Variants in PLEKHG1 observed in about 807,000 individuals in gnomAD.
PLEKHG1 encodes pleckstrin homology and RhoGEF domain containing G1, also known as pleckstrin homology domain-containing family G member 1.
PLEKHG1 carries 44 observed loss-of-function variants against 100.8 expected under a neutral mutation model. The observed-to-expected ratio is 0.44, with a 90% confidence interval of 0.34 to 0.56. The LOEUF (loss-of-function observed/expected upper bound fraction) is 0.56. Ranked by LOEUF, PLEKHG1 falls within the 20% of genes least tolerant of loss-of-function variation. The pLI is 0.01. For synonymous variants in PLEKHG1, 640 were observed against 662.5 expected, an observed-to-expected ratio of 0.97 and a Z score of 0.52; for missense variants, 1,545 against 1,720.9, an observed-to-expected ratio of 0.90 and a Z score of 1.81.
intron 2 of PLEKHG1, among the ~76,000 whole-genome samples, chr6:150,640,442 T>A (rs1020358222): frequency 6.6e-6 from 1 of 152,216 alleles, no homozygotes; most frequent in Non-Finnish European, 1.5e-5. Flanking sequence ...TGTCCCCATC[T>A]TAATTAACAC....
chr6:150,813,093 CAGG>C (rs1370551797), intron 10 of PLEKHG1, among the ~76,000 whole-genome samples: 1 of 151,950 alleles, frequency 6.6e-6, no homozygotes, highest in Non-Finnish European at 1.5e-5. Flanking sequence ...ATCACGAGGT[CAGG>C]AGATCAAGAC....
intron 1 of PLEKHG1, among the ~76,000 whole-genome samples, chr6:150,604,736 C>A (rs970862646): frequency 3.9e-5 from 6 of 152,156 alleles, no homozygotes; most frequent in African/African-American, 1.4e-4. Flanking sequence ...TAAGCATAGC[C>A]ATCAGTTGAC....
intron 1 of PLEKHG1, among the ~76,000 whole-genome samples, chr6:150,724,312 A>G (rs1221739813): frequency 6.6e-6 from 1 of 152,238 alleles, no homozygotes; most frequent in African/African-American, 2.4e-5. Context: ...CTAAAGGCAG[A>G]GGAGGCTGGG....
chr6:150,774,879 TAAA>T (rs918316039), intron 3 of PLEKHG1, among the ~76,000 whole-genome samples: 3 of 151,976 alleles, frequency 2.0e-5, no homozygotes, highest in Non-Finnish European at 2.9e-5. Context: ...TTTTTAAAAT[TAAA>T]AAAAATTTTT....
intron 4 of PLEKHG1, 101 bp from the exon 6 acceptor site, chr6:150,795,754 TA>T: frequency 1.6e-6 from 1 of 620,918 alleles, no homozygotes; most frequent in Non-Finnish European, 2.8e-6. Context: ...TATATATATA[TA>T]TAAATGTCAA....
At chr6:150,710,318 C>T (rs1436156420) in intron 3 of PLEKHG1, among the ~76,000 whole-genome samples, 2 of 152,182 alleles carry the variant, frequency 1.3e-5, no homozygotes, top group Non-Finnish European at 2.9e-5. Context: ...TGCCCCCAGC[C>T]GTCAGTCTGT....
At chr6:150,629,530 G>A (rs767426486) in intron 1 of PLEKHG1, among the ~76,000 whole-genome samples, 5 of 151,736 alleles carry the variant, frequency 3.3e-5, no homozygotes, top group East Asian at 1.9e-4. Flanking sequence ...GCGCAATCTC[G>A]GCTTACTGCA....
chr6:150,664,838 A>G (rs905215130), intron 3 of PLEKHG1, among the ~76,000 whole-genome samples: 3 of 152,118 alleles, frequency 2.0e-5, no homozygotes, highest in South Asian at 2.1e-4. Flanking sequence ...ATTGGGGGAG[A>G]TGCTTCTATC....
In PLEKHG1 at chr6:150,668,302, T is replaced by G. The variant is rs185267476; in HGVS notation, c.-99+17516T>G. On this transcript the variant is annotated intron_variant, in intron 3 of 3. Transcript: ENST00000367326. Reference sequence around the variant, plus strand: ...AACACCATCTAAACAAAGTAAAAAGTGATTGGATTCTTTATGGCTCCCTCA... The same window carrying G: ...AACACCATCTAAACAAAGTAAAAAGGGATTGGATTCTTTATGGCTCCCTCA... Among the ~76,000 whole-genome samples the G allele has an allele frequency of 3.1e-3, 468 of 152,248 alleles. 5 individuals are homozygous for G. The highest frequency in any genetic ancestry group is 0.011 in the African/African-American group (439 of 41,568).
intron 2 of PLEKHG1, among the ~76,000 whole-genome samples, chr6:150,756,486 C>T (rs548231966): frequency 2.7e-4 from 41 of 152,250 alleles, no homozygotes; most frequent in African/African-American, 9.6e-4. Context: ...CCTAATGTCG[C>T]CAGGGTGTAA....
chr6:150,753,765 A>T (rs1197930757), intron 2 of PLEKHG1, among the ~76,000 whole-genome samples: 1 of 152,236 alleles, frequency 6.6e-6, no homozygotes, highest in African/African-American at 2.4e-5. Context: ...GACCTTTGTC[A>T]TCTTCAAGAG....
intron 1 of PLEKHG1, among the ~76,000 whole-genome samples, chr6:150,635,161 A>G (rs993521273): frequency 2.0e-5 from 3 of 152,218 alleles, no homozygotes; most frequent in African/African-American, 7.2e-5. Flanking sequence ...ACATCATTTC[A>G]TTACCTTTAC....
In PLEKHG1 at chr6:150,735,080, G is replaced by A. The variant is rs1460892054; in HGVS notation, c.411+988G>A. ...TGGCTTACCACAACCTCCGCCTCCC[G>A]GGTTCAAGCAATTCTCCTGCCTCAG... is the stretch of plus-strand genomic sequence containing the variant. On this transcript the variant is annotated intron_variant, in intron 2 of 15. Transcript: ENST00000358517. Among the ~76,000 whole-genome samples, 7 of 149,368 alleles carry A rather than the reference G, an allele frequency of 4.7e-5. No homozygotes were observed. In the East Asian group the frequency reaches 1.2e-3, roughly 26 times the overall value.
At chr6:150,662,481 T>A (rs1383880298) in intron 3 of PLEKHG1, 1 of 152,302 alleles carries the variant, frequency 6.6e-6, no homozygotes, top group East Asian at 1.9e-4. Flanking sequence ...AGTGGCGCCA[T>A]CTCAGCTCAC....
intron 3 of PLEKHG1, among the ~76,000 whole-genome samples, chr6:150,782,902 A>T (rs531553629): frequency 1.2e-3 from 190 of 152,298 alleles, no homozygotes; most frequent in Non-Finnish European, 2.3e-3. Flanking sequence ...AGAATTTGAG[A>T]AGAGCATCTA....
chr6:150,829,200 T>C (rs1776777087), intron 14 of PLEKHG1, among the ~76,000 whole-genome samples: 1 of 152,228 alleles, frequency 6.6e-6, no homozygotes, highest in Non-Finnish European at 1.5e-5. Context: ...CTTTCAAGCC[T>C]TTGAAGTTAA....
chr6:150,633,591 G>C (rs1777854733), intron 1 of PLEKHG1, among the ~76,000 whole-genome samples: 1 of 152,178 alleles, frequency 6.6e-6, no homozygotes, highest in Admixed American at 6.5e-5. Flanking sequence ...AAAGATGCAG[G>C]GGCCTCTGAC....
At chr6:150,642,579 A>G (rs1317985654) in intron 2 of PLEKHG1, among the ~76,000 whole-genome samples, 1 of 152,230 alleles carries the variant, frequency 6.6e-6, no homozygotes, top group African/African-American at 2.4e-5. Flanking sequence ...GTATAACTAC[A>G]GTTGCCTTTG....
chr6:150,746,138 C>T (rs13198996), intron 2 of PLEKHG1, among the ~76,000 whole-genome samples: 26,094 of 152,018 alleles, frequency 0.17, 2,382 homozygotes, highest in Admixed American at 0.23. Flanking sequence ...CCAAGATAGC[C>T]GCTAGGTTGT....
Sources: allele counts gnomAD v4.1 joint callset (sites outside exome capture counted in the v4.1 genomes callset), GRCh38; gene constraint gnomAD v4.1.1; transcripts MANE v1.5; gene names NCBI Gene and HGNC (gene_info 2026-07-23, HGNC 2026-07-21).